SRGAP1: variants seen among roughly 807,000 people sequenced by gnomAD.
SRGAP1 encodes the protein SLIT-ROBO Rho GTPase-activating protein 1.
SRGAP1 carries 43 observed loss-of-function variants against 121.9 expected under a neutral mutation model. The observed-to-expected ratio is 0.35, with a 90% CI of 0.28 to 0.46. The LOEUF is 0.46. Ranked by LOEUF, SRGAP1 falls within the 20% of genes least tolerant of loss-of-function variation. The probability of loss-of-function intolerance (pLI) is 1.00; values close to 1 mark genes in which losing one functional copy is unlikely to be tolerated. For synonymous variants in SRGAP1, 447 were observed against 485.4 expected, an observed-to-expected ratio of 0.92 and a Z score of 1.04; for missense variants, 1,102 against 1,350.9, an observed-to-expected ratio of 0.82 and a Z score of 2.89.
At chr12:64,130,432 A>T (rs1404034581) in intron 21 of SRGAP1, among the ~76,000 whole-genome samples, 1 of 152,136 alleles carries the variant, frequency 6.6e-6, no homozygotes, top group African/African-American at 2.4e-5. Flanking sequence ...GTCACTAGGG[A>T]TAATGATGAA....
intron 21 of SRGAP1, among the ~76,000 whole-genome samples, chr12:64,142,076 T>C (rs974384525): frequency 6.6e-6 from 1 of 152,184 alleles, no homozygotes; most frequent in Non-Finnish European, 1.5e-5. Context: ...CATTGTTTGA[T>C]ACATGGCTCC....
rs115564701 is a variant in SRGAP1 at position 64,127,599 on chromosome 12, G to T, written c.2415G>T (p.Thr805=). Residue 805 remains threonine (T), a synonymous_variant, in exon 20 of 22, where the codon ACG becomes ACT. Transcript: ENST00000355086. ...CCTCTTACTGCTTCAGGGATGATAC[G>T]TTTTCAGACACTCTGAGCCAAAAAG... is the stretch of plus-strand genomic sequence containing the variant. The part of the protein sequence containing the change: ...QYIVVQDMDD[T]FSDTLSQKAD... 5.6e-6 allele frequency: 9 copies of T among 1,613,436 alleles called. No individual in the cohort carries two copies. The highest frequency in any genetic ancestry group is 7.6e-6 in the Non-Finnish European group (9 of 1,179,798).
At chr12:64,087,743 A>G (rs2035975811) in intron 11 of SRGAP1, among the ~76,000 whole-genome samples, 1 of 152,142 alleles carries the variant, frequency 6.6e-6, no homozygotes, top group African/African-American at 2.4e-5. Flanking sequence ...CAAAAAATAA[A>G]AATAAAAAAT....
chr12:63,883,830 T>TC (rs1439474361), intron 1 of SRGAP1, among the ~76,000 whole-genome samples: 2 of 151,482 alleles, frequency 1.3e-5, no homozygotes, highest in African/African-American at 2.4e-5. Flanking sequence ...GGCTAATTTT[T>TC]TGTATTTTTA....
chr12:64,020,640 C>T (rs545941918), intron 4 of SRGAP1, among the ~76,000 whole-genome samples: 33 of 152,052 alleles, frequency 2.2e-4, no homozygotes, highest in African/African-American at 5.8e-4. Flanking sequence ...GTCAGGAGTT[C>T]GAGACCAGCC....
intron 9 of SRGAP1, among the ~76,000 whole-genome samples, chr12:64,079,803 G>A (rs2136563560): frequency 6.6e-6 from 1 of 152,250 alleles, no homozygotes; most frequent in East Asian, 1.9e-4. Flanking sequence ...ACCTGAGAGT[G>A]TGCATCTCTC....
At chr12:63,936,008 A>G (rs1345250962) in intron 1 of SRGAP1, among the ~76,000 whole-genome samples, 4 of 152,234 alleles carry the variant, frequency 2.6e-5, no homozygotes, top group Non-Finnish European at 5.9e-5. Flanking sequence ...CCAAAAGTTT[A>G]ATAGTGGTTA....
At chr12:63,893,757 T>C (rs1900661484) in intron 1 of SRGAP1, among the ~76,000 whole-genome samples, 1 of 152,240 alleles carries the variant, frequency 6.6e-6, no homozygotes, top group African/African-American at 2.4e-5. Flanking sequence ...TAATATCCAC[T>C]ATTTGTCAGA....
chr12:64,069,841 A>T (rs1022859798), intron 8 of SRGAP1, among the ~76,000 whole-genome samples: 1 of 151,994 alleles, frequency 6.6e-6, no homozygotes, highest in African/African-American at 2.4e-5. Context: ...ATTTTGAATT[A>T]TTCTTTAAAT....
intron 1 of SRGAP1, among the ~76,000 whole-genome samples, chr12:63,882,480 C>T (rs1048520057): frequency 1.3e-5 from 2 of 152,096 alleles, no homozygotes; most frequent in African/African-American, 2.4e-5. Flanking sequence ...ACGGGGGTTT[C>T]AGCATGTTGG....
chr12:63,855,662 AT>A (rs1326148806), intron 1 of SRGAP1, among the ~76,000 whole-genome samples: 1 of 150,578 alleles, frequency 6.6e-6, no homozygotes, highest in African/African-American at 2.4e-5. Context: ...TGATTTTTGT[AT>A]TTTTTAGTAG....
intron 1 of SRGAP1, among the ~76,000 whole-genome samples, chr12:63,926,341 C>T (rs1254500522): frequency 6.6e-6 from 1 of 152,080 alleles, no homozygotes; most frequent in East Asian, 1.9e-4. Flanking sequence ...ATAATACTCT[C>T]ATGGGGGATA....
chr12:64,129,168 A>G (rs2036745586), intron 21 of SRGAP1, among the ~76,000 whole-genome samples: 1 of 152,120 alleles, frequency 6.6e-6, no homozygotes, highest in East Asian at 1.9e-4. Context: ...TTAATGGAAT[A>G]TATATACATA....
Position 63,975,089 on chromosome 12 carries a change from A to G in SRGAP1, c.68-8858A>G, listed in dbSNP as rs143616166. 5.3e-3 allele frequency among the ~76,000 whole-genome samples: 803 copies of G among 152,324 alleles called. 5 individuals are homozygous for G. Among genetic ancestry groups the G allele is most frequent in the African/African-American group, 0.018 (736 of 41,574 alleles). On this transcript the variant is annotated intron_variant, in intron 1 of 21. Coordinates refer to ENST00000355086, the MANE Select transcript of SRGAP1 (RefSeq NM_020762.4). ...ATAATTGGCCAGCACAACACTTTACATAATGAGAAAGTATTTTCCTATTTC... is the reference window on the plus strand; with the variant it reads ...ATAATTGGCCAGCACAACACTTTACGTAATGAGAAAGTATTTTCCTATTTC...
intron 1 of SRGAP1, among the ~76,000 whole-genome samples, chr12:63,884,322 G>T (rs6581511): frequency 0.92 from 140,570 of 152,192 alleles, 65,078 homozygotes; most frequent in African/African-American, 0.98. Flanking sequence ...TCACTGAGAC[G>T]TCTACATGTC....
intron 4 of SRGAP1, among the ~76,000 whole-genome samples, chr12:64,039,698 C>T (rs1024676605): frequency 7.7e-6 from 1 of 129,968 alleles, no homozygotes; most frequent in African/African-American, 2.8e-5. Flanking sequence ...GAACCAAGAC[C>T]CAAATATAAT....
intron 21 of SRGAP1, among the ~76,000 whole-genome samples, chr12:64,130,393 G>A (rs1406587454): frequency 6.6e-6 from 1 of 152,116 alleles, no homozygotes; most frequent in Non-Finnish European, 1.5e-5. Context: ...TAATGTCGCG[G>A]GAACAGGAAG....
intron 21 of SRGAP1, among the ~76,000 whole-genome samples, chr12:64,131,059 G>T (rs1162168574): frequency 1.3e-5 from 2 of 152,154 alleles, no homozygotes; most frequent in Non-Finnish European, 2.9e-5. Context: ...ATGTTGCTGA[G>T]CCCATGAGTA....
intron 21 of SRGAP1, among the ~76,000 whole-genome samples, chr12:64,129,583 T>C (rs1279532093): frequency 6.6e-6 from 1 of 152,158 alleles, no homozygotes; most frequent in African/African-American, 2.4e-5. Flanking sequence ...CCTTGTCAAC[T>C]TGAACCCATA....
Sources: allele counts gnomAD v4.1 joint callset (sites outside exome capture counted in the v4.1 genomes callset), GRCh38; gene constraint gnomAD v4.1.1; transcripts MANE v1.5; gene names NCBI Gene and HGNC (gene_info 2026-07-23, HGNC 2026-07-21).